The following PRKG1 variants were observed in gnomAD, a reference collection of about 807,000 sequenced individuals.
The protein encoded by PRKG1 is cGMP-dependent protein kinase 1.
Under a neutral mutation model 88.1 loss-of-function variants are expected in PRKG1, and 35 were observed. The ratio of observed to expected loss-of-function variants is 0.40; its 90% CI spans 0.30 to 0.53. The LOEUF (loss-of-function observed/expected upper bound fraction) is 0.53, where lower values mean the gene tolerates loss of function less well. PRKG1 is among the 20% of genes least tolerant of loss of function. PRKG1 has a pLI of 0.59. For synonymous variants in PRKG1, 303 were observed against 292.5 expected (o/e 1.04, Z -0.37); for missense variants, 540 against 839.8 (o/e 0.64, Z 4.41).
intron 9 of PRKG1, among the ~76,000 whole-genome samples, chr10:52,194,244 T>G (rs1272920561): frequency 6.6e-6 from 1 of 152,166 alleles, no homozygotes; most frequent in East Asian, 1.9e-4. Flanking sequence ...CGACTATTAT[T>G]CTATATCATT....
chr10:51,942,510 G>C (rs1842932447), intron 5 of PRKG1, among the ~76,000 whole-genome samples: 1 of 151,042 alleles, frequency 6.6e-6, no homozygotes, highest in East Asian at 1.9e-4. Flanking sequence ...TGGTGTTTTA[G>C]ACTTGAAGTC....
chr10:51,701,945 A>G (rs904796035), intron 3 of PRKG1, among the ~76,000 whole-genome samples: 15 of 152,152 alleles, frequency 9.9e-5, no homozygotes, highest in Non-Finnish European at 2.2e-4. Context: ...CTCTCAGGTG[A>G]TGCTGATGCT....
chr10:51,721,230 AAAG>A (rs1842006685), intron 3 of PRKG1, among the ~76,000 whole-genome samples: 2 of 146,032 alleles, frequency 1.4e-5, no homozygotes, highest in African/African-American at 5.5e-5. Flanking sequence ...AAAAAAAAAA[AAAG>A]AAAAAAAAAG....
At chr10:52,003,408 A>G (rs1019069777) in intron 5 of PRKG1, among the ~76,000 whole-genome samples, 1 of 152,166 alleles carries the variant, frequency 6.6e-6, no homozygotes, top group African/African-American at 2.4e-5. Flanking sequence ...TCAATCATGT[A>G]GGTAAAATAG....
intron 1 of PRKG1, among the ~76,000 whole-genome samples, chr10:51,019,105 T>C (rs946680884): frequency 1.3e-5 from 2 of 152,214 alleles, no homozygotes; most frequent in African/African-American, 4.8e-5. Context: ...TCAAGTTTGT[T>C]TCATTACTGC....
intron 9 of PRKG1, among the ~76,000 whole-genome samples, chr10:52,166,312 C>A (rs1401962049): frequency 2.0e-5 from 3 of 151,606 alleles, no homozygotes; most frequent in African/African-American, 7.3e-5. Flanking sequence ...ATTTCCAATA[C>A]CAAGGATCAT....
intron 2 of PRKG1, among the ~76,000 whole-genome samples, chr10:51,253,539 A>G (rs1173012960): frequency 6.6e-6 from 1 of 151,840 alleles, no homozygotes; most frequent in Non-Finnish European, 1.5e-5. Flanking sequence ...GATGTTACAT[A>G]TTTCATTCAT....
intron 5 of PRKG1, 139 bp downstream of exon 5, chr10:51,907,709 T>C: frequency 1.6e-6 from 1 of 631,368 alleles, no homozygotes; most frequent in Non-Finnish European, 2.7e-6. Context: ...GCTATATATT[T>C]GGCTTCGTAT....
At chr10:51,935,484 T>C (rs1479995499) in intron 5 of PRKG1, among the ~76,000 whole-genome samples, 2 of 152,094 alleles carry the variant, frequency 1.3e-5, no homozygotes, top group Non-Finnish European at 2.9e-5. Context: ...TGAGATAGGA[T>C]AGATTTGAAG....
chr10:51,628,174 T>C (rs142257653), intron 3 of PRKG1, among the ~76,000 whole-genome samples: 5,361 of 140,478 alleles, frequency 0.038, 154 homozygotes, highest in Middle Eastern at 0.076. Context: ...ATTTATTTCT[T>C]TTCTTTCTTT....
At chr10:51,580,569 A>G (rs964437013) in intron 3 of PRKG1, among the ~76,000 whole-genome samples, 7 of 152,038 alleles carry the variant, frequency 4.6e-5, no homozygotes, top group African/African-American at 1.7e-4. Context: ...TGAAAATGCC[A>G]TTTTCATGGA....
chr10:51,513,382 C>T (rs1841476403), intron 3 of PRKG1, among the ~76,000 whole-genome samples: 1 of 120,472 alleles, frequency 8.3e-6, no homozygotes, highest in Non-Finnish European at 1.7e-5. Context: ...CTTAGACTCC[C>T]ACACATTAAT....
At chr10:52,127,700 T>C (rs1847961944) in intron 7 of PRKG1, among the ~76,000 whole-genome samples, 1 of 152,178 alleles carries the variant, frequency 6.6e-6, no homozygotes, top group Non-Finnish European at 1.5e-5. Context: ...ATGACCATGA[T>C]CATGATGATT....
chr10:51,795,426 C>A (rs1416211081), intron 3 of PRKG1, among the ~76,000 whole-genome samples: 1 of 152,076 alleles, frequency 6.6e-6, no homozygotes, highest in Non-Finnish European at 1.5e-5. Context: ...AATATATCCT[C>A]CAAACTAACT....
chr10:51,225,624 TTTTG>T (rs1178880305), intron 2 of PRKG1, among the ~76,000 whole-genome samples: 2 of 152,184 alleles, frequency 1.3e-5, no homozygotes, highest in African/African-American at 2.4e-5. Flanking sequence ...TTTCTTAACT[TTTTG>T]TTTATTATAC....
chr10:51,591,615 C>T (rs1379072641), intron 3 of PRKG1, among the ~76,000 whole-genome samples: 1 of 152,146 alleles, frequency 6.6e-6, no homozygotes, highest in African/African-American at 2.4e-5. Context: ...TAAGACTATT[C>T]TGCAATAAAA....
At chr10:52,265,041 A>G (rs904595584) in intron 10 of PRKG1, among the ~76,000 whole-genome samples, 1 of 152,168 alleles carries the variant, frequency 6.6e-6, no homozygotes, top group African/African-American at 2.4e-5. Flanking sequence ...TATAATTAAC[A>G]TGCTTTAAAA....
chr10:51,696,406 T>C (rs1841294202), intron 3 of PRKG1: 1 of 151,836 alleles, frequency 6.6e-6, no homozygotes. Flanking sequence ...CCAGATCAAC[T>C]AGTCCCTAGA....
chr10:51,781,402 A>C (rs1838585182), intron 3 of PRKG1, among the ~76,000 whole-genome samples: 1 of 152,082 alleles, frequency 6.6e-6, no homozygotes, highest in African/African-American at 2.4e-5. Flanking sequence ...GGCAAGAGGG[A>C]AATTATAGCA....
Sources: allele counts gnomAD v4.1 joint callset (sites outside exome capture counted in the v4.1 genomes callset), GRCh38; gene constraint gnomAD v4.1.1; transcripts MANE v1.5; gene names NCBI Gene and HGNC (gene_info 2026-07-23, HGNC 2026-07-21).